FAM78B: variants seen among roughly 807,000 people sequenced by gnomAD.
The protein encoded by FAM78B is family with sequence similarity 78 member B.
Under a neutral mutation model 20.0 loss-of-function variants are expected in FAM78B, and 10 were observed. That is an observed-to-expected ratio of 0.50 (90% CI 0.31 to 0.85). The LOEUF (loss-of-function observed/expected upper bound fraction) is 0.85. FAM78B is among the 40% of genes least tolerant of loss of function. The pLI is 0.05. For synonymous variants in FAM78B, 135 were observed against 132.8 expected, an observed-to-expected ratio of 1.02 and a Z score of -0.12; for missense variants, 283 against 345.0, an observed-to-expected ratio of 0.82 and a Z score of 1.42.
chr1:166,120,600 A>T (rs1221675492), intron 1 of FAM78B, among the ~76,000 whole-genome samples: 1 of 152,246 alleles, frequency 6.6e-6, no homozygotes, highest in Non-Finnish European at 1.5e-5. Context: ...ATGTACAGAC[A>T]ACAGTGCTCA....
At chr1:166,134,725 G>A (rs1018982122) in intron 1 of FAM78B, among the ~76,000 whole-genome samples, 2 of 152,168 alleles carry the variant, frequency 1.3e-5, no homozygotes, top group African/African-American at 4.8e-5. Flanking sequence ...GAATATGGGG[G>A]ATCCATTCGT....
chr1:166,125,189 C>A lies in FAM78B; in HGVS notation c.263+40797G>T, dbSNP rs145734579. ...CACCCATTAACTAAATTGAGCTAAT[C>A]CCTCAGTTTAGCTTCTTTTTCCTAT... On this transcript the variant is annotated intron_variant, in intron 1 of 1. Coordinates refer to ENST00000354422, the MANE Select transcript of FAM78B (RefSeq NM_001017961.5). Among the ~76,000 whole-genome samples the A allele has an allele frequency of 3.9e-5, 6 of 152,182 alleles. No homozygotes were observed. In the East Asian group the frequency reaches 1.2e-3, roughly 30 times the overall value.
At chr1:166,080,437 T>TAATA (rs1168608852) in intron 1 of FAM78B, among the ~76,000 whole-genome samples, 1 of 152,142 alleles carries the variant, frequency 6.6e-6, no homozygotes, top group Non-Finnish European at 1.5e-5. Flanking sequence ...CTGAGTATAT[T>TAATA]AATAGTTCTG....
intron 1 of FAM78B, among the ~76,000 whole-genome samples, chr1:166,083,826 T>C (rs1652683217): frequency 8.2e-6 from 1 of 121,372 alleles, no homozygotes; most frequent in Non-Finnish European, 1.7e-5. Flanking sequence ...TTTTTTTTAA[T>C]GAGAACCCTA....
Position 166,107,607 on chromosome 1 carries a change from C to T in FAM78B, c.264-36844G>A, listed in dbSNP as rs148244141. Among the ~76,000 whole-genome samples, 19 of 152,110 alleles carry T rather than the reference C, an allele frequency of 1.2e-4. 1 individual carries two copies. The East Asian group carries it at 3.3e-3, about 26-fold the overall frequency. On this transcript the variant is annotated intron_variant, in intron 1 of 1. Coordinates refer to ENST00000354422, the MANE Select transcript of FAM78B (RefSeq NM_001017961.5). Reference sequence around the variant, plus strand: ...TACCAGTCCTTTTGATACTATTCCACAAGATGGAGAAGGAACCTTCCCTAA... The same window carrying T: ...TACCAGTCCTTTTGATACTATTCCATAAGATGGAGAAGGAACCTTCCCTAA...
intron 1 of FAM78B, among the ~76,000 whole-genome samples, chr1:166,090,573 CAA>C: frequency 6.6e-6 from 1 of 152,264 alleles, no homozygotes; most frequent in East Asian, 1.9e-4. Context: ...CAGTCCCAAT[CAA>C]AGTCAGTAAT....
At chr1:166,152,375 T>A (rs1437427988) in intron 1 of FAM78B, among the ~76,000 whole-genome samples, 2 of 152,204 alleles carry the variant, frequency 1.3e-5, no homozygotes, top group Non-Finnish European at 2.9e-5. Context: ...TCTGGTCTTG[T>A]CGTGAGAAAC....
chr1:166,110,854 G>A (rs1198226888), intron 1 of FAM78B, among the ~76,000 whole-genome samples: 1 of 152,208 alleles, frequency 6.6e-6, no homozygotes, highest in Non-Finnish European at 1.5e-5. Flanking sequence ...AGGACAGGCT[G>A]TGAATTAAGA....
downstream of FAM78B, among the ~76,000 whole-genome samples, chr1:166,067,600 A>G (rs1651848791): frequency 6.6e-6 from 1 of 152,176 alleles, no homozygotes; most frequent in South Asian, 2.1e-4. Flanking sequence ...TCATTTGGCA[A>G]TATCCTGACT....
intron 1 of FAM78B, among the ~76,000 whole-genome samples, chr1:166,094,484 A>T (rs1249892117): frequency 3.3e-5 from 5 of 152,114 alleles, no homozygotes; most frequent in African/African-American, 7.2e-5. Flanking sequence ...ATCACTATGG[A>T]CCCAGAACTG....
intron 1 of FAM78B, among the ~76,000 whole-genome samples, chr1:166,140,029 C>T (rs1186284596): frequency 1.3e-5 from 2 of 152,220 alleles, no homozygotes; most frequent in Non-Finnish European, 2.9e-5. Context: ...TTTCTGCAGA[C>T]CTTTTCAGAA....
intron 1 of FAM78B, among the ~76,000 whole-genome samples, chr1:166,088,372 C>T (rs573396353): frequency 2.6e-5 from 4 of 152,242 alleles, no homozygotes; most frequent in African/African-American, 7.2e-5. Context: ...ATGTTCTCCT[C>T]ACTCCCTCCC....
At chr1:166,080,325 G>T (rs758224519) in intron 1 of FAM78B, among the ~76,000 whole-genome samples, 31 of 147,560 alleles carry the variant, frequency 2.1e-4, no homozygotes, top group Non-Finnish European at 3.7e-4. Flanking sequence ...GGCCACCCAG[G>T]TTCCTCCTCA....
chr1:166,117,786 C>T (rs184510629), intron 1 of FAM78B, among the ~76,000 whole-genome samples: 68 of 152,290 alleles, frequency 4.5e-4, no homozygotes, highest in African/African-American at 1.6e-3. Flanking sequence ...GGGCTGGACA[C>T]AGCAGGGCTT....
chr1:166,064,266 G>A (rs989275026), intron 2 of FAM78B, among the ~76,000 whole-genome samples: 4 of 152,116 alleles, frequency 2.6e-5, no homozygotes, highest in Admixed American at 6.5e-5. Flanking sequence ...AAATAACACC[G>A]TTAAACTGTG....
intron 1 of FAM78B, among the ~76,000 whole-genome samples, chr1:166,146,118 T>C (rs115970408): frequency 3.3e-5 from 5 of 152,290 alleles, no homozygotes; most frequent in Non-Finnish European, 7.4e-5. Context: ...GGATGGTTAT[T>C]ATTAACATTG....
At position 166,150,794 on chromosome 1, in the gene FAM78B, T is replaced by C. The variant is rs114249074; in HGVS notation, c.263+15192A>G. Among the ~76,000 whole-genome samples, 310 of 152,258 alleles carry C rather than the reference T, an allele frequency of 2.0e-3. 1 individual carries two copies. The highest frequency in any genetic ancestry group is 7.1e-3 in the African/African-American group (293 of 41,560). On this transcript the variant is annotated intron_variant, in intron 1 of 1. Coordinates refer to ENST00000354422, the MANE Select transcript of FAM78B (RefSeq NM_001017961.5). ...AAGAAATACACATTCTTTTAAAGTA[T>C]ACATAGAAGCAGGCTGGGTGCAGGG...
chr1:166,077,569 A>G (rs1652323565), intron 1 of FAM78B, among the ~76,000 whole-genome samples: 1 of 145,856 alleles, frequency 6.9e-6, no homozygotes. Flanking sequence ...CTCTCTCTAT[A>G]TATAATTTAT....
At chr1:166,159,196 A>G (rs1656038010) in intron 1 of FAM78B, among the ~76,000 whole-genome samples, 1 of 152,234 alleles carries the variant, frequency 6.6e-6, no homozygotes, top group Non-Finnish European at 1.5e-5. Flanking sequence ...TTGTGCTGAT[A>G]TGAATGGAGG....
Sources: gnomAD v4.1 joint callset for allele counts (sites outside exome capture counted in the v4.1 genomes callset) on GRCh38, gnomAD v4.1.1 for gene constraint, MANE v1.5 for transcripts, NCBI Gene and HGNC (gene_info 2026-07-23, HGNC 2026-07-21) for gene names.